BHLHA15: variants seen among roughly 807,000 people sequenced by gnomAD.
The protein encoded by BHLHA15 is basic helix-loop-helix family member a15.
BHLHA15 carries 7 observed loss-of-function variants against 10.4 expected under a neutral mutation model. The ratio of observed to expected loss-of-function variants is 0.67; its 90% CI spans 0.38 to 1.26. The LOEUF is 1.26. Ranked by LOEUF, BHLHA15 falls within the 50% of genes most tolerant of loss-of-function variation. The probability of loss-of-function intolerance (pLI) is 0.02; values close to 1 mark genes in which losing one functional copy is unlikely to be tolerated. For missense variants in BHLHA15, 289 were observed against 287.4 expected, an observed-to-expected ratio of 1.01 and a Z score of -0.04; for synonymous variants, 140 against 131.5, an observed-to-expected ratio of 1.06 and a Z score of -0.44.
At chr7:98,211,659 T>A (rs1177845480) in intron 1 of BHLHA15, among the ~76,000 whole-genome samples, 161 bp downstream of exon 1, 6 of 151,908 alleles carry the variant, frequency 3.9e-5, no homozygotes, top group South Asian at 2.1e-4. Context: ...GTGGTGGGAT[T>A]GGGGGCTGCC....
chr7:98,213,102 A>G lies in BHLHA15; in HGVS notation c.*223A>G. 1 of 532,916 alleles carries G rather than the reference A, an allele frequency of 1.9e-6. No individual in the cohort carries two copies. Among genetic ancestry groups the G allele is most frequent in the Non-Finnish European group, 3.2e-6 (1 of 308,286 alleles). 33.0% of individuals were successfully genotyped at this position (532,916 alleles called of 1,614,324 possible). The stretch of plus-strand genomic sequence containing the variant: ...CCTAGTTGCGGCTGTGGCCCTGGAC[A>G]GCGGCGTGAGGCCCAAACCTCTAGG... On this transcript the variant is annotated 3_prime_UTR_variant, in exon 2 of 2. Coordinates refer to ENST00000609256, the MANE Select transcript of BHLHA15 (RefSeq NM_177455.4).
At position 98,214,890 on chromosome 7, in the gene BHLHA15, T is replaced by G. The variant is rs571535121; in HGVS notation, c.*2011T>G. 9.2e-5 allele frequency: 14 copies of G among 152,330 alleles called. No homozygotes were observed. The highest frequency in any genetic ancestry group is 1.6e-4 in the Non-Finnish European group (11 of 68,162). 9.4% of individuals were successfully genotyped at this position (152,330 alleles called of 1,614,324 possible). The stretch of plus-strand genomic sequence containing the variant: ...GACCTGGGCCGAGCCGCCCAGTCCT[T>G]CTTCCCCTGAGGCCAGAGGGGACGC... On this transcript the variant is annotated 3_prime_UTR_variant, in exon 2 of 2. Coordinates refer to ENST00000609256, the MANE Select transcript of BHLHA15 (RefSeq NM_177455.4).
chr7:98,213,116 C>A lies in BHLHA15; in HGVS notation c.*237C>A. ...TGGCCCTGGACAGCGGCGTGAGGCC[C>A]AAACCTCTAGGTAGGGCCCAGTTGG... On this transcript the variant is annotated 3_prime_UTR_variant, in exon 2 of 2. Coordinates refer to ENST00000609256, the MANE Select transcript of BHLHA15 (RefSeq NM_177455.4). 1.9e-6 allele frequency: 1 copy of A among 518,340 alleles called. No homozygotes were observed. The highest frequency in any genetic ancestry group is 3.3e-6 in the Non-Finnish European group (1 of 298,662). The allele number at this position is 518,340 out of a possible 1,614,324, so 32.1% of individuals were successfully genotyped here.
chr7:98,212,892 G>A lies in BHLHA15; in HGVS notation c.*13G>A. On this transcript the variant is annotated 3_prime_UTR_variant, in exon 2 of 2. Coordinates refer to ENST00000609256, the MANE Select transcript of BHLHA15 (RefSeq NM_177455.4). ...AGAGGGCACCTAGCGCCCAGTCCTG[G>A]GTGGGGGTGGCGGTGGCCGCAGCTG... 6.6e-7 allele frequency: 1 copy of A among 1,516,800 alleles called. No homozygotes were observed. Among genetic ancestry groups the A allele is most frequent in the Non-Finnish European group, 8.8e-7 (1 of 1,139,368 alleles). The allele number at this position is 1,516,800 out of a possible 1,614,324, so 94.0% of individuals were successfully genotyped here.
chr7:98,212,908 G>A lies in BHLHA15; in HGVS notation c.*29G>A, dbSNP rs1246428935. The A allele has an allele frequency of 6.6e-7, 1 of 1,504,254 alleles. No individual in the cohort carries two copies. Among genetic ancestry groups the A allele is most frequent in the Non-Finnish European group, 8.8e-7 (1 of 1,134,028 alleles). The allele number at this position is 1,504,254 out of a possible 1,614,324, so 93.2% of individuals were successfully genotyped here. On this transcript the variant is annotated 3_prime_UTR_variant, in exon 2 of 2. Transcript: ENST00000609256. ...CCAGTCCTGGGTGGGGGTGGCGGTG[G>A]CCGCAGCTGCCTGGCCTGCTCCTCC...
rs1471712847 is a variant in BHLHA15 at position 98,214,507 on chromosome 7, G to T, written c.*1628G>T. The T allele has an allele frequency of 6.6e-6, 1 of 152,322 alleles. No individual in the cohort carries two copies. The highest frequency in any genetic ancestry group is 1.5e-5 in the Non-Finnish European group (1 of 68,116). The allele number at this position is 152,322 out of a possible 1,614,324, so 9.4% of individuals were successfully genotyped here. A position where few individuals can be genotyped will look rare whatever the true frequency, so the allele number is the denominator to read the frequency against. ...CAGCTGGGAGCTTGGGACAGAGAGA[G>T]CCCAGGGCTCCCCTGCTGTGGGGCA... On this transcript the variant is annotated 3_prime_UTR_variant, in exon 2 of 2. Coordinates refer to ENST00000609256, the MANE Select transcript of BHLHA15 (RefSeq NM_177455.4).
rs1562928791 is a variant in BHLHA15 at position 98,212,863 on chromosome 7, TC to T, written c.556del (p.Arg186GlufsTer37). On this transcript the variant is annotated frameshift_variant, in exon 2 of 2. Transcript: ENST00000609256. LOFTEE classifies it high-confidence loss of function. ...LQRYSTQIHS[F>X]REGT Reference sequence around the variant, plus strand: ...AGGTACTCCACGCAGATCCACAGCTTCCGAGAGGGCACCTAGCGCCCAGTCC... The same window carrying T: ...AGGTACTCCACGCAGATCCACAGCTTCGAGAGGGCACCTAGCGCCCAGTCC... The T allele has an allele frequency of 6.5e-7, 1 of 1,540,336 alleles. No homozygotes were observed. The highest frequency in any genetic ancestry group is 8.7e-7 in the Non-Finnish European group (1 of 1,148,418).
intron 1 of BHLHA15, among the ~76,000 whole-genome samples, chr7:98,211,934 G>A (rs960283651): frequency 1.3e-5 from 2 of 152,156 alleles, no homozygotes; most frequent in Non-Finnish European, 2.9e-5. Flanking sequence ...AAAGGTCACC[G>A]AGCTCAGGAG....
At position 98,212,672 on chromosome 7, in the gene BHLHA15, G is replaced by C. The variant is rs372697314; in HGVS notation, c.363G>C (p.Lys121Asn). The C allele has an allele frequency of 8.8e-6, 14 of 1,586,006 alleles. No individual in the cohort carries two copies. In the African/African-American group the frequency reaches 1.3e-4, roughly 15 times the overall value. Residue 121 changes from lysine (K) to asparagine (N), a missense_variant, in exon 2 of 2, where the codon AAG becomes AAC. By Grantham distance (94) the Lys-to-Asn change is moderately conservative. Transcript: ENST00000609256. ...AGATCGAGACGCTCACGCTGGCCAA[G>C]AACTACATCAAATCGCTGACGGCCA... ...LSKIETLTLA[K>N]NYIKSLTATI...
At chr7:98,211,828 C>A (rs1797910432) in intron 1 of BHLHA15, among the ~76,000 whole-genome samples, 1 of 152,138 alleles carries the variant, frequency 6.6e-6, no homozygotes, top group Admixed American at 6.5e-5. Flanking sequence ...AGCCTGGTGG[C>A]TGGAGTCACT....
intron 1 of BHLHA15, among the ~76,000 whole-genome samples, chr7:98,211,739 G>A (rs74427781): frequency 0.16 from 21,802 of 139,042 alleles, 1,665 homozygotes; most frequent in East Asian, 0.35. Context: ...TCTGGCCCCA[G>A]TGCTGTCCCA....
chr7:98,213,295 G>A lies in BHLHA15; in HGVS notation c.*416G>A, dbSNP rs892713264. On this transcript the variant is annotated 3_prime_UTR_variant, in exon 2 of 2. Coordinates refer to ENST00000609256, the MANE Select transcript of BHLHA15 (RefSeq NM_177455.4). ...TTTCCAAGGCCAAAGCCCCAGCAAG[G>A]ACCCCCTCTCCAACCTTTGTTATAG... Among the ~76,000 whole-genome samples the A allele has an allele frequency of 1.3e-5, 2 of 152,192 alleles. No individual in the cohort carries two copies. Among genetic ancestry groups the A allele is most frequent in the Non-Finnish European group, 2.9e-5 (2 of 68,042 alleles).
chr7:98,211,723 AGCG>A (rs1797909000), intron 1 of BHLHA15, among the ~76,000 whole-genome samples: 1 of 136,094 alleles, frequency 7.3e-6, no homozygotes, highest in East Asian at 4.4e-4. Flanking sequence ...CCATGTCCGC[AGCG>A]GTTCTGGCCC....
chr7:98,212,566 A>G lies in BHLHA15; in HGVS notation c.257A>G (p.Gln86Arg), dbSNP rs766579586. ...CTGGAGAGCAACGAGAGGGAGCGGC[A>G]GCGGATGCACAAGCTAAATAACGCC... ...RRLESNERER[Q>R]RMHKLNNAFQ... is the part of the protein sequence containing the mutation. The change falls in exon 2 of 2, where the codon CAG becomes CGG. Residue 86 changes from glutamine (Q) to arginine (R), a missense_variant. By Grantham distance (43) the Gln-to-Arg change is conservative (BLOSUM62 1). Coordinates refer to ENST00000609256, the MANE Select transcript of BHLHA15 (RefSeq NM_177455.4). 8.7e-6 allele frequency: 14 copies of G among 1,602,508 alleles called. No individual in the cohort carries two copies. The highest frequency in any genetic ancestry group is 3.3e-4 in the Middle Eastern group (2 of 6,070).
rs745587530 is a variant in BHLHA15 at position 98,215,137 on chromosome 7, A to G, written c.*2258A>G. On this transcript the variant is annotated 3_prime_UTR_variant, in exon 2 of 2. Transcript: ENST00000609256. ...ACAAGCAGGTCAGAGACCCACCCAC[A>G]TGCCGTTCCTGGGCTACGCCACGCG... The G allele has an allele frequency of 8.5e-5, 13 of 152,214 alleles. No individual in the cohort carries two copies. Among genetic ancestry groups the G allele is most frequent in the Admixed American group, 7.9e-4 (12 of 15,280 alleles). The allele number at this position is 152,214 out of a possible 1,614,324, so 9.4% of individuals were successfully genotyped here.
Position 98,212,741 on chromosome 7 carries a change from G to T in BHLHA15, c.432G>T (p.Gly144=). The T allele has an allele frequency of 6.4e-7, 1 of 1,557,114 alleles. No individual in the cohort carries two copies. The highest frequency in any genetic ancestry group is 8.7e-7 in the Non-Finnish European group (1 of 1,150,980). The change falls in exon 2 of 2, where the codon GGG becomes GGT. Residue 144 remains glycine (G), a synonymous_variant. Coordinates refer to ENST00000609256, the MANE Select transcript of BHLHA15 (RefSeq NM_177455.4). ...GCAGCCGCCTCCCAGGCCTGGAGGGGCCGGGCCCCAAGCTCTACCAGCACT... is the reference window on the plus strand; with the variant it reads ...GCAGCCGCCTCCCAGGCCTGGAGGGTCCGGGCCCCAAGCTCTACCAGCACT... ...MSSSRLPGLE[G]PGPKLYQHYQ... is the part of the protein sequence containing the mutation.
Position 98,214,390 on chromosome 7 carries a change from CG to C in BHLHA15, c.*1515del, listed in dbSNP as rs918668754. Among the ~76,000 whole-genome samples, 1 of 152,226 alleles carries C rather than the reference CG, an allele frequency of 6.6e-6. No homozygotes were observed. The highest frequency in any genetic ancestry group is 2.4e-5 in the African/African-American group (1 of 41,462). On this transcript the variant is annotated 3_prime_UTR_variant, in exon 2 of 2. Transcript: ENST00000609256. Reference sequence around the variant, plus strand: ...GCCCCAGCTGTCCTTCAGCACAGCTCGGGGTGGGGACTCCAGGATGCTGGGT... The same window carrying C: ...GCCCCAGCTGTCCTTCAGCACAGCTCGGGTGGGGACTCCAGGATGCTGGGT...
At position 98,212,992 on chromosome 7, in the gene BHLHA15, C is replaced by T. The variant is rs1490005545; in HGVS notation, c.*113C>T. ...TGGGCGGTGACACCCCACAAGGACA[C>T]GGCCTCAGCGGTTCCATTTTCCCCC... On this transcript the variant is annotated 3_prime_UTR_variant, in exon 2 of 2. Coordinates refer to ENST00000609256, the MANE Select transcript of BHLHA15 (RefSeq NM_177455.4). 30 of 971,896 alleles carry T rather than the reference C, an allele frequency of 3.1e-5. No homozygotes were observed. The highest frequency in any genetic ancestry group is 2.0e-4 in the Admixed American group (6 of 30,634). The allele number at this position is 971,896 out of a possible 1,614,324, so 60.2% of individuals were successfully genotyped here. A position where few individuals can be genotyped will look rare whatever the true frequency, so the allele number is the denominator to read the frequency against.
rs1797945639 is a variant in BHLHA15 at position 98,213,907 on chromosome 7, G to GGC, written c.*1028_*1029insGC. On this transcript the variant is annotated 3_prime_UTR_variant, in exon 2 of 2. Coordinates refer to ENST00000609256, the MANE Select transcript of BHLHA15 (RefSeq NM_177455.4). ...GCCTGGTGGAGCCTTGGGGTGGCAG[G>GGC]TACGTCCCTTCCCCCGCCCAGGTGC... Among the ~76,000 whole-genome samples the GGC allele has an allele frequency of 3.3e-5, 5 of 152,208 alleles. No individual in the cohort carries two copies. The highest frequency in any genetic ancestry group is 6.5e-5 in the Admixed American group (1 of 15,282).
Sources: allele counts gnomAD v4.1 joint callset (sites outside exome capture counted in the v4.1 genomes callset), GRCh38; gene constraint gnomAD v4.1.1; transcripts MANE v1.5; gene names NCBI Gene and HGNC (gene_info 2026-07-23, HGNC 2026-07-21).